The following PRKAA2 variants were observed in gnomAD, a reference collection of about 807,000 sequenced individuals.
The protein encoded by PRKAA2 is 5'-AMP-activated protein kinase catalytic subunit alpha-2.
In PRKAA2, 40 loss-of-function variants were observed where a neutral mutation model predicts 56.3. The ratio of observed to expected loss-of-function variants is 0.71; its 90% CI spans 0.55 to 0.92. The LOEUF (loss-of-function observed/expected upper bound fraction) is 0.92, where lower values mean the gene tolerates loss of function less well. Among genes scored for constraint, PRKAA2 ranks in the 40% least tolerant of loss-of-function variants. PRKAA2 has a pLI of 0.00. For missense variants in PRKAA2, 542 were observed against 686.9 expected, an observed-to-expected ratio of 0.79 and a Z score of 2.36; for synonymous variants, 214 against 234.2, an observed-to-expected ratio of 0.91 and a Z score of 0.79.
Position 56,670,773 on chromosome 1 carries a change from T to C in PRKAA2, c.95-3608T>C, listed in dbSNP as rs1402378904. Among the ~76,000 whole-genome samples, 3 of 152,202 alleles carry C rather than the reference T, an allele frequency of 2.0e-5. No individual in the cohort carries two copies. In the East Asian group the frequency reaches 5.8e-4, roughly 29 times the overall value. ...TCAAAGTAGGTATTGATCTGGATAT[T>C]TACGTGTATACATGATAAATTATGG... On this transcript the variant is annotated intron_variant, in intron 1 of 8. Transcript: ENST00000371244.
intron 1 of PRKAA2, among the ~76,000 whole-genome samples, chr1:56,657,254 A>T (rs1460532719): frequency 6.6e-6 from 1 of 152,256 alleles, no homozygotes; most frequent in East Asian, 1.9e-4. Context: ...AAGGGACAGT[A>T]ATAAGTTGAC....
At chr1:56,664,887 CACACAT>C (rs760815892) in intron 1 of PRKAA2, among the ~76,000 whole-genome samples, 3,268 of 143,558 alleles carry the variant, frequency 0.023, 101 homozygotes, top group East Asian at 0.073. Context: ...CACACACACA[CACACAT>C]ATATACATAC....
At chr1:56,704,705 AATC>A (rs5774298) in intron 7 of PRKAA2, among the ~76,000 whole-genome samples, 19,457 of 152,124 alleles carry the variant, frequency 0.13, 1,324 homozygotes, top group South Asian at 0.25. Flanking sequence ...ATCAACTAGA[AATC>A]ATCTGAGAAA....
At chr1:56,700,814 CTA>C (rs1644288862) in intron 6 of PRKAA2, among the ~76,000 whole-genome samples, 1 of 152,044 alleles carries the variant, frequency 6.6e-6, no homozygotes, top group African/African-American at 2.4e-5. Flanking sequence ...TTCTGCTCCT[CTA>C]TTCTCCCCAC....
At chr1:56,692,536 A>G (rs774180686) in intron 4 of PRKAA2, 34 bp downstream of exon 4, 3 of 1,597,054 alleles carry the variant, frequency 1.9e-6, no homozygotes, top group East Asian at 4.5e-5. Flanking sequence ...GAAAGGTACT[A>G]GCTACCTTTT....
At chr1:56,654,567 C>G (rs745796815) in intron 1 of PRKAA2, among the ~76,000 whole-genome samples, 1 of 152,156 alleles carries the variant, frequency 6.6e-6, no homozygotes, top group Non-Finnish European at 1.5e-5. Flanking sequence ...GTGTATTTAT[C>G]AACTACAAAT....
intron 1 of PRKAA2, among the ~76,000 whole-genome samples, chr1:56,659,119 A>G (rs182465404): frequency 6.6e-6 from 1 of 151,552 alleles, no homozygotes; most frequent in Admixed American, 6.6e-5. Flanking sequence ...TGTATTCCTG[A>G]CTCTATTTTT....
chr1:56,653,996 A>G (rs1301370902), intron 1 of PRKAA2, among the ~76,000 whole-genome samples: 1 of 152,148 alleles, frequency 6.6e-6, no homozygotes, highest in Non-Finnish European at 1.5e-5. Context: ...TGGGCAGCAG[A>G]TGGCATTTAG....
Position 56,709,996 on chromosome 1 carries a change from TAGA to T in PRKAA2, c.*2287_*2289del, listed in dbSNP as rs1234451997. Reference sequence around the variant, plus strand: ...TTTGTGAATCTAGGTGGTTGGTTTTTAGAAGATTTCAGGAGATGCAGTCCAGCA... The same window carrying T: ...TTTGTGAATCTAGGTGGTTGGTTTTTAGATTTCAGGAGATGCAGTCCAGCA... On this transcript the variant is annotated 3_prime_UTR_variant, in exon 9 of 9. Coordinates refer to ENST00000371244, the MANE Select transcript of PRKAA2 (RefSeq NM_006252.4). 5 of 152,152 alleles carry T rather than the reference TAGA, an allele frequency of 3.3e-5. No individual in the cohort carries two copies. The highest frequency in any genetic ancestry group is 7.4e-5 in the Non-Finnish European group (5 of 67,998). The allele number at this position is 152,152 out of a possible 1,614,324, so 9.4% of individuals were successfully genotyped here.
At chr1:56,701,654 T>C (rs1202928136) in intron 6 of PRKAA2, among the ~76,000 whole-genome samples, 2 of 152,100 alleles carry the variant, frequency 1.3e-5, no homozygotes, top group Non-Finnish European at 2.9e-5. Flanking sequence ...CCCAGCACTT[T>C]GGGAGGCCGA....
In PRKAA2 at chr1:56,707,743, C is replaced by T. The variant is rs1384601773; in HGVS notation, c.*30C>T. ...TCTCTAGTTTCTTTCTGTTATTGCA[C>T]TATGAAAATCAGTTATATTCTTTAA... On this transcript the variant is annotated 3_prime_UTR_variant, in exon 9 of 9. Transcript: ENST00000371244. 2.6e-6 allele frequency: 4 copies of T among 1,516,836 alleles called. No individual in the cohort carries two copies. Among genetic ancestry groups the T allele is most frequent in the Non-Finnish European group, 3.7e-6 (4 of 1,095,592 alleles). The allele number at this position is 1,516,836 out of a possible 1,614,324, so 94.0% of individuals were successfully genotyped here. A position where few individuals can be genotyped will look rare whatever the true frequency, so the allele number is the denominator to read the frequency against.
At chr1:56,668,375 T>G (rs1270333545) in intron 1 of PRKAA2, among the ~76,000 whole-genome samples, 1 of 148,146 alleles carries the variant, frequency 6.8e-6, no homozygotes, top group Non-Finnish European at 1.5e-5. Context: ...GTAACAAACC[T>G]GCACATTGTG....
At chr1:56,660,139 A>G (rs532982417) in intron 1 of PRKAA2, among the ~76,000 whole-genome samples, 1 of 152,294 alleles carries the variant, frequency 6.6e-6, no homozygotes, top group South Asian at 2.1e-4. Context: ...AAGCACAACT[A>G]TAATGTTATA....
intron 1 of PRKAA2, among the ~76,000 whole-genome samples, chr1:56,655,025 A>G (rs1643928969): frequency 6.6e-6 from 1 of 151,508 alleles, no homozygotes; most frequent in Non-Finnish European, 1.5e-5. Flanking sequence ...TTCAGATTAT[A>G]TATACTATTA....
At chr1:56,657,827 C>A (rs1218976972) in intron 1 of PRKAA2, among the ~76,000 whole-genome samples, 1 of 151,984 alleles carries the variant, frequency 6.6e-6, no homozygotes, top group Non-Finnish European at 1.5e-5. Context: ...AGACATATAA[C>A]AAAGGGAACA....
chr1:56,650,566 T>G (rs184376087), intron 1 of PRKAA2, among the ~76,000 whole-genome samples: 2 of 152,316 alleles, frequency 1.3e-5, no homozygotes, highest in East Asian at 3.9e-4. Context: ...AACAAAATTA[T>G]AGTGCTAATT....
chr1:56,652,246 C>T (rs568574612), intron 1 of PRKAA2, among the ~76,000 whole-genome samples: 4 of 152,038 alleles, frequency 2.6e-5, no homozygotes, highest in African/African-American at 7.2e-5. Context: ...CTCCTGACCT[C>T]GTAATACGCC....
At chr1:56,664,855 T>TACACACACACACACACACACACAC (rs67041631) in intron 1 of PRKAA2, among the ~76,000 whole-genome samples, 46 of 139,932 alleles carry the variant, frequency 3.3e-4, no homozygotes, top group African/African-American at 1.2e-3. Flanking sequence ...AGTATATGTG[T>TACACACACACACACACACACACAC]ACACACACAC....
intron 1 of PRKAA2, among the ~76,000 whole-genome samples, chr1:56,671,028 T>C (rs1644071626): frequency 6.6e-6 from 1 of 152,208 alleles, no homozygotes; most frequent in South Asian, 2.1e-4. Context: ...GTTTTGAGAT[T>C]GAATAAATGA....
Sources: gnomAD v4.1 joint callset for allele counts (sites outside exome capture counted in the v4.1 genomes callset) on GRCh38, gnomAD v4.1.1 for gene constraint, MANE v1.5 for transcripts, NCBI Gene and HGNC (gene_info 2026-07-23, HGNC 2026-07-21) for gene names.